The following BRAT1 variants were observed in gnomAD, a reference collection of about 807,000 sequenced individuals.
The protein encoded by BRAT1 is BRCA1 associated ATM activator 1.
A neutral mutation model predicts 70.6 loss-of-function variants in BRAT1; 74 were observed. The observed-to-expected ratio is 1.05, with a 90% CI of 0.87 to 1.27. The LOEUF (loss-of-function observed/expected upper bound fraction) is 1.27. BRAT1 is among the 50% of genes most tolerant of loss of function. The pLI, the probability that BRAT1 is intolerant of heterozygous loss-of-function variation, is 0.00. For missense variants in BRAT1, 1,203 were observed against 1,098.2 expected, an observed-to-expected ratio of 1.10 and a Z score of -1.35; for synonymous variants, 615 against 517.1, an observed-to-expected ratio of 1.19 and a Z score of -2.57.
At chr7:2,539,157 T>A in intron 13 of BRAT1, 22 bp downstream of exon 13, 5 of 1,579,152 alleles carry the variant, frequency 3.2e-6, no homozygotes, top group Non-Finnish European at 4.3e-6. Context: ...AGTTGCTGGC[T>A]GAGGAACCTG....
At chr7:2,542,016 T>A in intron 7 of BRAT1, 104 bp downstream of exon 7, 1 of 1,252,456 alleles carries the variant, frequency 8.0e-7, no homozygotes, top group Non-Finnish European at 1.1e-6. Flanking sequence ...CTGGGTGTGA[T>A]TAAAGTGGGG....
intron 3 of BRAT1, among the ~76,000 whole-genome samples, chr7:2,545,770 A>G (rs1393600158): frequency 1.3e-5 from 2 of 152,152 alleles, no homozygotes; most frequent in Admixed American, 6.5e-5. Flanking sequence ...GATTATAGGC[A>G]TGAGCCACCG....
chr7:2,547,155 AGGGGGCTACAGTC>A (rs1432486066), intron 3 of BRAT1, among the ~76,000 whole-genome samples, 156 bp downstream of exon 3: 1 of 152,150 alleles, frequency 6.6e-6, no homozygotes, highest in Admixed American at 6.5e-5. Context: ...AATTTTTCAA[AGGGGGCTACAGTC>A]GGGGGTAAAA....
At chr7:2,546,194 A>G (rs1441201514) in intron 3 of BRAT1, among the ~76,000 whole-genome samples, 1 of 152,122 alleles carries the variant, frequency 6.6e-6, no homozygotes, top group African/African-American at 2.4e-5. Flanking sequence ...GTATCCCAAC[A>G]CTTTGGGAGG....
Position 2,538,264 on chromosome 7 carries a change from C to A in BRAT1, c.2271G>T (p.Ala757=). The A allele has an allele frequency of 6.2e-7, 1 of 1,611,016 alleles. No homozygotes were observed. The highest frequency in any genetic ancestry group is 8.5e-7 in the Non-Finnish European group (1 of 1,179,138). Residue 757 remains alanine, a synonymous_variant, in exon 14 of 14, where the codon GCG becomes GCT. Coordinates refer to ENST00000340611, the MANE Select transcript of BRAT1 (RefSeq NM_152743.4). ...CCCCTGGGGGCTGGGCCTGCTCACC[C>A]GCCCGCCACCTCGGCAGGGTGGCCT... is the stretch of plus-strand genomic sequence containing the variant. ...SAEATLPRWR[A]GEQAQPPGDQ... is the part of the protein sequence containing the mutation.
In BRAT1 at chr7:2,542,481, G is replaced by A. The variant is rs1023214638; in HGVS notation, c.924-270C>T. On this transcript the variant is annotated intron_variant, in intron 6 of 13. Coordinates refer to ENST00000340611, the MANE Select transcript of BRAT1 (RefSeq NM_152743.4). ...GAGGGCCTGGCCATGCACCCAGAGA[G>A]AGGGGCAGTGCCCGCTCAGGGGGAC... is the stretch of plus-strand genomic sequence containing the variant. 4 of 527,452 alleles carry A rather than the reference G, an allele frequency of 7.6e-6. No homozygotes were observed. In the African/African-American group the frequency reaches 7.9e-5, roughly 10 times the overall value. 32.7% of individuals were successfully genotyped at this position (527,452 alleles called of 1,614,324 possible).
Position 2,541,291 on chromosome 7 carries a change from C to T in BRAT1, c.1321+7G>A, listed in dbSNP as rs2128390782. ...CCCCACGCCAAAGCCGTACAGAACA[C>T]ACTCACCTGTCCCCTGTGACAGCGT... is the stretch of plus-strand genomic sequence containing the variant. On this transcript the variant is annotated splice_region_variant and intron_variant, in intron 9 of 13. Coordinates refer to ENST00000340611, the MANE Select transcript of BRAT1 (RefSeq NM_152743.4). 6.3e-7 allele frequency: 1 copy of T among 1,578,812 alleles called. No homozygotes were observed. The highest frequency in any genetic ancestry group is 8.6e-7 in the Non-Finnish European group (1 of 1,166,380).
chr7:2,542,044 C>G (rs1396522364), intron 7 of BRAT1, 76 bp downstream of exon 7: 2 of 1,369,636 alleles, frequency 1.5e-6, no homozygotes, highest in African/African-American at 1.5e-5. Context: ...GGCGAGCCAG[C>G]TACTCTCATC....
chr7:2,543,989 G>A lies in BRAT1; in HGVS notation c.431-27C>T, dbSNP rs776043329. On this transcript the variant is annotated intron_variant, in intron 4 of 13. Coordinates refer to ENST00000340611, the MANE Select transcript of BRAT1 (RefSeq NM_152743.4). This position sits in a 1 kb window ranked among gnomAD's most constrained non-coding sequence, Gnocchi z 5.5. ...TGGGTAGGGGATGGGGGAAGAGAGGGAAAAGGGGGTGAGCCAGAATAGAGC... is the reference window on the plus strand; with the variant it reads ...TGGGTAGGGGATGGGGGAAGAGAGGAAAAAGGGGGTGAGCCAGAATAGAGC... The A allele has an allele frequency of 2.0e-6, 3 of 1,521,270 alleles. No homozygotes were observed. The South Asian group carries it at 3.8e-5, about 19-fold the overall frequency. 94.2% of individuals were successfully genotyped at this position (1,521,270 alleles called of 1,614,324 possible).
chr7:2,539,511 G>A lies in BRAT1; in HGVS notation c.1597+33C>T, dbSNP rs1359202907. 6.5e-6 allele frequency: 10 copies of A among 1,530,194 alleles called. 1 individual carries two copies. The highest frequency in any genetic ancestry group is 2.0e-5 in the Admixed American group (1 of 50,168). The allele number at this position is 1,530,194 out of a possible 1,614,324, so 94.8% of individuals were successfully genotyped here. A position where few individuals can be genotyped will look rare whatever the true frequency, so the allele number is the denominator to read the frequency against. The stretch of plus-strand genomic sequence containing the variant: ...TGGCTCAGTGAGCCCCCCACAGGCG[G>A]GGAAGGCAGCCCCTCCACCTGCCAG... On this transcript the variant is annotated intron_variant, in intron 12 of 13. Transcript: ENST00000340611.
At chr7:2,540,472 C>T (rs1400755535) in intron 10 of BRAT1, 4 of 156,150 alleles carry the variant, frequency 2.6e-5, no homozygotes, top group African/African-American at 4.8e-5. Context: ...ACCCAGGCAA[C>T]GGGATTTCTA....
rs1779363740 is a variant in BRAT1, at chr7:2,543,707, T to C, written c.686A>G (p.Gln229Arg). 1 of 1,579,450 alleles carries C rather than the reference T, an allele frequency of 6.3e-7. No individual in the cohort carries two copies. Among genetic ancestry groups the C allele is most frequent in the Admixed American group, 1.7e-5 (1 of 58,278 alleles). ...NVLTTTFGRC[Q>R]SPWTEALWVR... ...CCACAGGGCTTCCGTCCAGGGGCTC[T>C]GGCAGCGCCCGAAGGTCGTGGTCAG... Residue 229 changes from glutamine (Q) to arginine (R), a missense_variant, in exon 5 of 14, where the codon CAG becomes CGG. Gln to Arg is a conservative substitution (Grantham distance 43). Coordinates refer to ENST00000340611, the MANE Select transcript of BRAT1 (RefSeq NM_152743.4). This position sits in a 1 kb window ranked among gnomAD's most constrained non-coding sequence, Gnocchi z 5.5.
In BRAT1 at chr7:2,538,418, C is replaced by G. The variant is rs1778856508; in HGVS notation, c.2117G>C (p.Cys706Ser). The G allele has an allele frequency of 3.1e-6, 5 of 1,613,382 alleles. No individual in the cohort carries two copies. The highest frequency in any genetic ancestry group is 1.1e-5 in the South Asian group (1 of 91,094). Residue 706 changes from cysteine (C) to serine (S), a missense_variant, in exon 14 of 14, where the codon TGT (cysteine) becomes TCT (serine). Physicochemically the swap from Cys to Ser is moderately radical, Grantham distance 112. Coordinates refer to ENST00000340611, the MANE Select transcript of BRAT1 (RefSeq NM_152743.4). Reference protein sequence around the residue: ...CHVGLFDFAFCALFDCDRPVA... With the variant: ...CHVGLFDFAFSALFDCDRPVA... ...AGGGCGGTCGCAGTCAAACAAGGCACAAAAGGCGAAGTCAAAGAGCCCCAC... is the reference window on the plus strand; with the variant it reads ...AGGGCGGTCGCAGTCAAACAAGGCAGAAAAGGCGAAGTCAAAGAGCCCCAC...
In BRAT1 at chr7:2,543,659, G is replaced by C; in HGVS notation, c.734C>G (p.Ala245Gly). 6.4e-7 allele frequency: 1 copy of C among 1,556,054 alleles called. No homozygotes were observed. The highest frequency in any genetic ancestry group is 1.2e-5 in the South Asian group (1 of 83,386). The change falls in exon 5 of 14, where the codon GCC becomes GGC. Residue 245 changes from alanine (A) to glycine (G), a missense_variant. Transcript: ENST00000340611. This position sits in a 1 kb window ranked among gnomAD's most constrained non-coding sequence, Gnocchi z 5.5. The stretch of plus-strand genomic sequence containing the variant: ...GATGGGGTCTCTCTCCAGCAGACAG[G>C]CCACGCGGGGACTCAGCCGCACCCA... ...ALWVRLSPRV[A>G]CLLERDPIPA...
At chr7:2,548,470 G>A (rs1583326543) in intron 2 of BRAT1, among the ~76,000 whole-genome samples, 1 of 152,180 alleles carries the variant, frequency 6.6e-6, no homozygotes, top group African/African-American at 2.4e-5. Context: ...GGCCAAGGCA[G>A]GAGAACAACA....
intron 10 of BRAT1, 42 bp from the exon 11 acceptor site, chr7:2,539,930 G>A (rs1252531855): frequency 2.9e-6 from 4 of 1,375,872 alleles, no homozygotes; most frequent in East Asian, 5.1e-5. Flanking sequence ...GGGAGACGGA[G>A]GGGCAGGCTG....
rs1014093234 is a variant in BRAT1, at chr7:2,543,407, G to A, written c.804-84C>T. On this transcript the variant is annotated intron_variant, in intron 5 of 13. Coordinates refer to ENST00000340611, the MANE Select transcript of BRAT1 (RefSeq NM_152743.4). The surrounding 1 kb of genome is among the most constrained non-coding windows in gnomAD (Gnocchi z 5.5). ...CCTGGCTGAGACTGCCATGGCTCCG[G>A]CACTGGAGGCGCCCAGCCCAAGACA... 33 of 1,497,704 alleles carry A rather than the reference G, an allele frequency of 2.2e-5. No homozygotes were observed. Among genetic ancestry groups the A allele is most frequent in the African/African-American group, 4.2e-5 (3 of 71,356 alleles). The allele number at this position is 1,497,704 out of a possible 1,614,324, so 92.8% of individuals were successfully genotyped here.
At chr7:2,552,098 ATATATATATTTTTTTTTTTTTT>A (rs1291159909) in intron 2 of BRAT1, among the ~76,000 whole-genome samples, 1 of 14,572 alleles carries the variant, frequency 6.9e-5, no homozygotes, top group African/African-American at 2.3e-4. Flanking sequence ...ATATATATAT[ATATATATATTTTTTTTTTTTTT>A]TTTTTTTTTT....
chr7:2,555,384 C>T (rs1780349503), intron 1 of BRAT1, 103 bp downstream of exon 1: 1 of 152,168 alleles, frequency 6.6e-6, no homozygotes, highest in South Asian at 2.1e-4. Flanking sequence ...GCGCACGCCC[C>T]GGGCTGGGCT....
Sources: allele counts gnomAD v4.1 joint callset (sites outside exome capture counted in the v4.1 genomes callset), GRCh38; gene constraint gnomAD v4.1.1; non-coding constraint Gnocchi (gnomAD v3.1); transcripts MANE v1.5; gene names NCBI Gene and HGNC (gene_info 2026-07-23, HGNC 2026-07-21).